LYRM4: variants seen among roughly 807,000 people sequenced by gnomAD.
The protein encoded by LYRM4 is LYR motif containing 4.
LYRM4 carries 9 observed loss-of-function variants against 11.7 expected under a neutral mutation model. The ratio of observed to expected loss-of-function variants is 0.77; its 90% CI spans 0.46 to 1.34. LYRM4 has a LOEUF of 1.34. Ranked by LOEUF, LYRM4 falls within the 40% of genes most tolerant of loss-of-function variation. The pLI is 0.00. For missense variants in LYRM4, 133 were observed against 112.5 expected, an observed-to-expected ratio of 1.18 and a Z score of -0.82; for synonymous variants, 42 against 40.4, an observed-to-expected ratio of 1.04 and a Z score of -0.15.
At chr6:5,127,310 C>T (rs999133476) in intron 2 of LYRM4, among the ~76,000 whole-genome samples, 6 of 152,012 alleles carry the variant, frequency 3.9e-5, no homozygotes, top group Non-Finnish European at 7.4e-5. Flanking sequence ...GTCTTGAACT[C>T]CTGGGCTCAA....
chr6:5,161,906 G>A (rs1250209937), intron 2 of LYRM4, among the ~76,000 whole-genome samples: 2 of 152,192 alleles, frequency 1.3e-5, no homozygotes, highest in Non-Finnish European at 2.9e-5. Context: ...AGGTTCTCAA[G>A]GGGTGATTAG....
chr6:5,232,105 A>G (rs6935667), intron 1 of LYRM4, among the ~76,000 whole-genome samples: 7,442 of 152,306 alleles, frequency 0.049, 595 homozygotes, highest in African/African-American at 0.16. Context: ...AAACACAAGA[A>G]GAACAGACAT....
chr6:5,118,096 T>TATATATATTTTTTTTTTTTTG (rs1554126841), intron 2 of LYRM4, among the ~76,000 whole-genome samples: 9 of 78,668 alleles, frequency 1.1e-4, no homozygotes, highest in East Asian at 6.9e-4. Flanking sequence ...ATATATATAT[T>TATATATATTTTTTTTTTTTTG]TTTGTTTTGT....
chr6:5,229,780 G>A lies in LYRM4; in HGVS notation c.87-13042C>T, dbSNP rs180862725. Among the ~76,000 whole-genome samples, 29 of 152,280 alleles carry A rather than the reference G, an allele frequency of 1.9e-4. 1 individual carries two copies. The East Asian group carries it at 5.6e-3, about 29-fold the overall frequency. Reference sequence around the variant, plus strand: ...AAAGGTTCTATGGGGTCTGTTGAAAGTAACACTGTCTTAAAAAATCAATAA... The same window carrying A: ...AAAGGTTCTATGGGGTCTGTTGAAAATAACACTGTCTTAAAAAATCAATAA... On this transcript the variant is annotated intron_variant, in intron 1 of 2. Transcript: ENST00000330636.
chr6:5,115,105 T>C (rs372879787), intron 2 of LYRM4, among the ~76,000 whole-genome samples: 1 of 152,232 alleles, frequency 6.6e-6, no homozygotes, highest in South Asian at 2.1e-4. Context: ...TCACAATCTA[T>C]TTAATCACTC....
intron 2 of LYRM4, among the ~76,000 whole-genome samples, chr6:5,139,101 C>G (rs1310974970): frequency 1.3e-5 from 2 of 152,186 alleles, no homozygotes; most frequent in African/African-American, 4.8e-5. Flanking sequence ...TTAACACTCT[C>G]TGGAAATAGG....
chr6:5,119,655 T>C (rs1763318427), intron 2 of LYRM4, among the ~76,000 whole-genome samples: 1 of 151,736 alleles, frequency 6.6e-6, no homozygotes, highest in Non-Finnish European at 1.5e-5. Context: ...CTGGACGTGG[T>C]GGCCCATGCC....
chr6:5,108,623 TTC>T lies in LYRM4; in HGVS notation c.*798_*799del. 2 of 378,254 alleles carry T rather than the reference TTC, an allele frequency of 5.3e-6. No individual in the cohort carries two copies. Among genetic ancestry groups the T allele is most frequent in the Non-Finnish European group, 7.3e-6 (2 of 274,546 alleles). 23.4% of individuals were successfully genotyped at this position (378,254 alleles called of 1,614,324 possible). On this transcript the variant is annotated 3_prime_UTR_variant, in exon 3 of 3. Coordinates refer to ENST00000330636, the MANE Select transcript of LYRM4 (RefSeq NM_020408.6). ...AAAAGCTCTCCAACTCTCCAGGTGC[TTC>T]TGTCCACCAGCCAGATTTGGGCACC...
the LYRM4 span, among the ~76,000 whole-genome samples, chr6:5,056,370 A>G: frequency 2.6e-5 from 4 of 152,200 alleles, no homozygotes; most frequent in African/African-American, 4.8e-5. Context: ...CTTTGATATG[A>G]CACCAAGACT....
intron 2 of LYRM4, among the ~76,000 whole-genome samples, chr6:5,124,177 T>C (rs1763594905): frequency 6.6e-6 from 1 of 152,180 alleles, no homozygotes; most frequent in African/African-American, 2.4e-5. Flanking sequence ...AGGCCCAGTT[T>C]ACTGAACATA....
intron 1 of LYRM4, among the ~76,000 whole-genome samples, chr6:5,254,921 C>T (rs928170): frequency 0.29 from 43,572 of 151,912 alleles, 7,883 homozygotes; most frequent in African/African-American, 0.51. Context: ...CTACTCACGG[C>T]AGCAATTTAC....
At chr6:5,069,648 T>G in the LYRM4 span, among the ~76,000 whole-genome samples, 2 of 152,018 alleles carry the variant, frequency 1.3e-5, no homozygotes, top group African/African-American at 4.8e-5. Context: ...GCCTGGATAA[T>G]TTTTTGTATT....
At chr6:5,050,527 C>CT in the LYRM4 span, among the ~76,000 whole-genome samples, 6 of 152,042 alleles carry the variant, frequency 3.9e-5, no homozygotes, top group Non-Finnish European at 8.8e-5. Flanking sequence ...GGAGCCTGCT[C>CT]TTTTTTTTCT....
At chr6:5,037,802 G>C in the LYRM4 span, among the ~76,000 whole-genome samples, 1 of 63,258 alleles carries the variant, frequency 1.6e-5, no homozygotes, top group African/African-American at 4.1e-5. Flanking sequence ...GGGGCGGCTG[G>C]CCGGGCAGGG....
chr6:5,205,181 A>AAAAAC (rs1761621678), intron 2 of LYRM4, among the ~76,000 whole-genome samples: 1 of 152,184 alleles, frequency 6.6e-6, no homozygotes, highest in South Asian at 2.1e-4. Context: ...AGTCACAATA[A>AAAAAC]AGTGTGTTGT....
At chr6:5,120,596 T>C (rs887435670) in intron 2 of LYRM4, among the ~76,000 whole-genome samples, 1 of 152,200 alleles carries the variant, frequency 6.6e-6, no homozygotes, top group African/African-American at 2.4e-5. Flanking sequence ...GGCCAGCTTT[T>C]ATTCCCTTAT....
intron 2 of LYRM4, among the ~76,000 whole-genome samples, chr6:5,143,764 A>G (rs1210192972): frequency 6.6e-6 from 1 of 151,542 alleles, no homozygotes; most frequent in Non-Finnish European, 1.5e-5. Flanking sequence ...GGAACAAAAA[A>G]TACCAGAGCA....
the LYRM4 span, among the ~76,000 whole-genome samples, chr6:5,073,006 C>T: frequency 2.6e-4 from 39 of 152,212 alleles, no homozygotes; most frequent in African/African-American, 8.9e-4. Context: ...CTTTATAATA[C>T]ATTTTCCTTT....
chr6:5,201,231 T>A (rs1399530867), intron 2 of LYRM4, among the ~76,000 whole-genome samples: 1 of 152,020 alleles, frequency 6.6e-6, no homozygotes, highest in East Asian at 1.9e-4. Flanking sequence ...AAAGAAAAAT[T>A]CCTTTAGTTT....
Sources: allele counts gnomAD v4.1 joint callset (sites outside exome capture counted in the v4.1 genomes callset), GRCh38; gene constraint gnomAD v4.1.1; transcripts MANE v1.5; gene names NCBI Gene and HGNC (gene_info 2026-07-23, HGNC 2026-07-21).